The following B3GALT1 variants were observed in gnomAD, a reference collection of about 807,000 sequenced individuals.
B3GALT1 encodes beta-1,3-galactosyltransferase 1.
In B3GALT1, 10 loss-of-function variants were observed where a neutral mutation model predicts 23.2. That is an observed-to-expected ratio of 0.43 (90% CI 0.27 to 0.73). The LOEUF is 0.73. Ranked by LOEUF, B3GALT1 falls within the 30% of genes least tolerant of loss-of-function variation. B3GALT1 has a pLI of 0.21. For synonymous variants in B3GALT1, 156 were observed against 141.5 expected (o/e 1.10, Z -0.73); for missense variants, 299 against 405.4 (o/e 0.74, Z 2.25).
rs972748755 is a variant in B3GALT1, at chr2:167,293,104, C to A, written c.-741C>A. 5 of 151,164 alleles carry A rather than the reference C, an allele frequency of 3.3e-5. No homozygotes were observed. The highest frequency in any genetic ancestry group is 1.2e-4 in the African/African-American group (5 of 41,330). 9.4% of individuals were successfully genotyped at this position (151,164 alleles called of 1,614,324 possible). A position where few individuals can be genotyped will look rare whatever the true frequency, so the allele number is the denominator to read the frequency against. On this transcript the variant is annotated 5_prime_UTR_variant, in exon 1 of 5. Coordinates refer to ENST00000392690, the MANE Select transcript of B3GALT1 (RefSeq NM_020981.4). ...GAGCTCGCGCGGGCGCCGCCGCCGCCTCTGCTGCTGCCCACCCCGCCGCGC... is the reference window on the plus strand; with the variant it reads ...GAGCTCGCGCGGGCGCCGCCGCCGCATCTGCTGCTGCCCACCCCGCCGCGC...
At chr2:167,752,444 G>A (rs1687752956) in intron 3 of B3GALT1, among the ~76,000 whole-genome samples, 1 of 151,866 alleles carries the variant, frequency 6.6e-6, no homozygotes, top group South Asian at 2.1e-4. Flanking sequence ...GTAGCCATGA[G>A]GAGACCTACG....
chr2:167,702,453 A>G (rs1050189606), intron 3 of B3GALT1, among the ~76,000 whole-genome samples: 2 of 152,366 alleles, frequency 1.3e-5, no homozygotes, highest in Non-Finnish European at 2.9e-5. Flanking sequence ...GTATTGCACA[A>G]TATAGATGAA....
At chr2:167,515,072 CTATTTT>C (rs531588824) in intron 2 of B3GALT1, among the ~76,000 whole-genome samples, 7 of 152,146 alleles carry the variant, frequency 4.6e-5, no homozygotes, top group African/African-American at 1.7e-4. Flanking sequence ...GCTAATTTGT[CTATTTT>C]TAATTATTGT....
intron 1 of B3GALT1, among the ~76,000 whole-genome samples, chr2:167,417,438 G>T (rs1698488347): frequency 6.6e-6 from 1 of 152,034 alleles, no homozygotes; most frequent in Admixed American, 6.6e-5. Flanking sequence ...CACTTCTCAG[G>T]CTCCGTAACT....
At chr2:167,752,546 T>C (rs1047028508) in intron 3 of B3GALT1, among the ~76,000 whole-genome samples, 10 of 151,452 alleles carry the variant, frequency 6.6e-5, no homozygotes, top group Non-Finnish European at 1.3e-4. Flanking sequence ...TGCAGACCTT[T>C]CCATCAGTGC....
intron 4 of B3GALT1, among the ~76,000 whole-genome samples, chr2:167,837,484 A>G (rs576366023): frequency 4.6e-5 from 7 of 151,906 alleles, no homozygotes; most frequent in South Asian, 4.2e-4. Context: ...TAACTATCCT[A>G]AATATATATG....
At chr2:167,621,499 C>T (rs1053179716) in intron 2 of B3GALT1, among the ~76,000 whole-genome samples, 2 of 151,888 alleles carry the variant, frequency 1.3e-5, no homozygotes, top group Non-Finnish European at 2.9e-5. Flanking sequence ...GACTTTTTTT[C>T]ACTTCAAAGG....
At chr2:167,597,399 G>A (rs531843542) in intron 2 of B3GALT1, among the ~76,000 whole-genome samples, 55 of 152,274 alleles carry the variant, frequency 3.6e-4, no homozygotes, top group African/African-American at 1.0e-3. Context: ...ACAGGCATGA[G>A]CCACCATGCC....
chr2:167,386,616 T>G (rs1420600595), intron 1 of B3GALT1, among the ~76,000 whole-genome samples: 1 of 152,168 alleles, frequency 6.6e-6, no homozygotes, highest in Non-Finnish European at 1.5e-5. Flanking sequence ...TAAGTGATAG[T>G]CTCAAATCAT....
At chr2:167,465,903 TC>T (rs1204910515) in intron 1 of B3GALT1, among the ~76,000 whole-genome samples, 4 of 151,846 alleles carry the variant, frequency 2.6e-5, no homozygotes, top group African/African-American at 2.4e-5. Context: ...TTTTTTTTTT[TC>T]CCCCTCCATC....
intron 1 of B3GALT1, among the ~76,000 whole-genome samples, chr2:167,483,991 G>C (rs1266971868): frequency 6.6e-6 from 1 of 152,154 alleles, no homozygotes; most frequent in Non-Finnish European, 1.5e-5. Flanking sequence ...GTTAAGAACT[G>C]ACCTCTAGCC....
chr2:167,829,433 A>C (rs745810328), intron 4 of B3GALT1, among the ~76,000 whole-genome samples: 27 of 152,138 alleles, frequency 1.8e-4, no homozygotes, highest in Non-Finnish European at 3.4e-4. Context: ...CAGGGAGCCA[A>C]GATCACGCCA....
At chr2:167,841,175 T>TAATA (rs143053564) in intron 4 of B3GALT1, among the ~76,000 whole-genome samples, 4,554 of 136,194 alleles carry the variant, frequency 0.033, 231 homozygotes, top group African/African-American at 0.12. Flanking sequence ...TAAAGTATAA[T>TAATA]AATAAATAAA....
intron 1 of B3GALT1, among the ~76,000 whole-genome samples, chr2:167,340,685 C>T (rs539305232): frequency 2.0e-5 from 3 of 152,286 alleles, no homozygotes; most frequent in South Asian, 2.1e-4. Flanking sequence ...GTTCCCACCA[C>T]GCCATTTTAT....
chr2:167,582,576 A>T (rs899744343), intron 2 of B3GALT1, among the ~76,000 whole-genome samples: 2 of 152,212 alleles, frequency 1.3e-5, no homozygotes, highest in Non-Finnish European at 2.9e-5. Context: ...TGTTTCTTTA[A>T]AAAGATAACT....
chr2:167,610,671 C>T (rs2105431455), intron 2 of B3GALT1, among the ~76,000 whole-genome samples: 1 of 151,960 alleles, frequency 6.6e-6, no homozygotes, highest in East Asian at 1.9e-4. Context: ...TGTCTGCCTC[C>T]TTAAGTTTAA....
intron 3 of B3GALT1, among the ~76,000 whole-genome samples, chr2:167,730,576 CA>C (rs1242932366): frequency 2.6e-5 from 4 of 152,182 alleles, no homozygotes; most frequent in Admixed American, 6.5e-5. Context: ...CAGCTACTAA[CA>C]AAGTTGAGAC....
At chr2:167,515,756 G>A (rs1038001533) in intron 2 of B3GALT1, among the ~76,000 whole-genome samples, 11 of 151,964 alleles carry the variant, frequency 7.2e-5, no homozygotes, top group African/African-American at 2.7e-4. Flanking sequence ...ATGATGTAAT[G>A]ACTTAAATTT....
intron 3 of B3GALT1, among the ~76,000 whole-genome samples, chr2:167,677,774 G>A (rs1258952656): frequency 4.6e-5 from 7 of 152,140 alleles, no homozygotes; most frequent in Admixed American, 1.3e-4. Flanking sequence ...AAAGGAAAGA[G>A]GTTTAATTGA....
Sources: gnomAD v4.1 joint callset for allele counts (sites outside exome capture counted in the v4.1 genomes callset) on GRCh38, gnomAD v4.1.1 for gene constraint, MANE v1.5 for transcripts, NCBI Gene and HGNC (gene_info 2026-07-23, HGNC 2026-07-21) for gene names.